Variants in SYT16 observed in about 807,000 individuals in gnomAD.
The protein encoded by SYT16 is synaptotagmin-16.
A neutral mutation model predicts 61.4 loss-of-function variants in SYT16; 42 were observed. The ratio of observed to expected loss-of-function variants is 0.68; its 90% CI spans 0.53 to 0.89. The LOEUF (loss-of-function observed/expected upper bound fraction) is 0.89. SYT16 is among the 40% of genes least tolerant of loss of function. The pLI is 0.00. For missense variants in SYT16, 804 were observed against 807.3 expected, an observed-to-expected ratio of 1.00 and a Z score of 0.05; for synonymous variants, 314 against 302.3, an observed-to-expected ratio of 1.04 and a Z score of -0.40.
intron 1 of SYT16, among the ~76,000 whole-genome samples, chr14:61,830,349 GCAAT>G (rs1371155293): frequency 2.0e-5 from 3 of 152,126 alleles, no homozygotes; most frequent in African/African-American, 7.2e-5. Flanking sequence ...TGGTTTAGAG[GCAAT>G]CAACCTGCTT....
chr14:61,832,755 T>C (rs181116132), intron 1 of SYT16, among the ~76,000 whole-genome samples: 1 of 152,290 alleles, frequency 6.6e-6, no homozygotes, highest in East Asian at 1.9e-4. Flanking sequence ...GTAGTTCTTT[T>C]TAAAGGTGGC....
chr14:61,951,136 G>T (rs1311035588), intron 1 of SYT16, among the ~76,000 whole-genome samples: 1 of 152,182 alleles, frequency 6.6e-6, no homozygotes, highest in East Asian at 1.9e-4. Flanking sequence ...GATTTTGAAT[G>T]CTCCCAACAA....
At chr14:61,896,848 T>C (rs1025975843) in intron 1 of SYT16, among the ~76,000 whole-genome samples, 4 of 152,212 alleles carry the variant, frequency 2.6e-5, no homozygotes, top group Non-Finnish European at 2.9e-5. Flanking sequence ...CCTCCTCCCA[T>C]ATCAAAAACT....
At chr14:61,946,877 T>C (rs1226727249) in intron 1 of SYT16, among the ~76,000 whole-genome samples, 2 of 152,158 alleles carry the variant, frequency 1.3e-5, no homozygotes, top group African/African-American at 4.8e-5. Flanking sequence ...TCTTTAGCTA[T>C]TTGCAGGATT....
intron 3 of SYT16, among the ~76,000 whole-genome samples, chr14:62,001,123 A>G (rs940224912): frequency 2.0e-5 from 3 of 152,030 alleles, no homozygotes; most frequent in African/African-American, 4.8e-5. Flanking sequence ...AAAAGATTAT[A>G]TTTACCTCAT....
At chr14:61,966,436 C>T (rs2051318604) in intron 1 of SYT16, among the ~76,000 whole-genome samples, 1 of 151,972 alleles carries the variant, frequency 6.6e-6, no homozygotes, top group African/African-American at 2.4e-5. Context: ...TCCAAACATT[C>T]TACTCTATGC....
intron 1 of SYT16, among the ~76,000 whole-genome samples, chr14:61,947,960 G>A (rs1368173505): frequency 1.3e-5 from 2 of 152,196 alleles, no homozygotes; most frequent in Admixed American, 1.3e-4. Context: ...ATGCACAAAA[G>A]TTTGGAAGTA....
In SYT16 at chr14:61,829,693, C is replaced by T. The variant is rs182959441; in HGVS notation, c.-325+16883C>T. On this transcript the variant is annotated intron_variant, in intron 1 of 7. Coordinates refer to ENST00000683842, the MANE Select transcript of SYT16 (RefSeq NM_001367656.1). ...TTTTTGAGACGGAGTCTCGCTCTGTCGCCCAGGCTGGAGTACAATGGTGTG... is the reference window on the plus strand; with the variant it reads ...TTTTTGAGACGGAGTCTCGCTCTGTTGCCCAGGCTGGAGTACAATGGTGTG... Among the ~76,000 whole-genome samples the T allele has an allele frequency of 9.9e-4, 150 of 150,756 alleles. 1 individual carries two copies. Among genetic ancestry groups the T allele is most frequent in the Admixed American group, 4.2e-3 (63 of 15,132 alleles).
At chr14:61,972,071 A>G (rs2051585755) in intron 2 of SYT16, among the ~76,000 whole-genome samples, 1 of 152,194 alleles carries the variant, frequency 6.6e-6, no homozygotes, top group African/African-American at 2.4e-5. Flanking sequence ...TTGTTTGCAT[A>G]TTGGGATTAT....
chr14:62,033,863 G>A (rs983209546), intron 3 of SYT16, among the ~76,000 whole-genome samples: 7 of 152,046 alleles, frequency 4.6e-5, no homozygotes, highest in Non-Finnish European at 7.4e-5. Context: ...TATATTGGAT[G>A]TTATTGAAAT....
chr14:61,883,997 C>T (rs1201476005), intron 1 of SYT16, among the ~76,000 whole-genome samples: 1 of 152,188 alleles, frequency 6.6e-6, no homozygotes, highest in Non-Finnish European at 1.5e-5. Context: ...ATTACCTCCA[C>T]CTGGTCCCAC....
intron 3 of SYT16, among the ~76,000 whole-genome samples, chr14:62,012,866 AAG>A (rs1179168453): frequency 6.6e-6 from 1 of 152,350 alleles, no homozygotes; most frequent in Admixed American, 6.5e-5. Context: ...TGAAATTATA[AAG>A]AGAGTAAAAG....
intron 3 of SYT16, among the ~76,000 whole-genome samples, chr14:62,002,428 G>A (rs570253274): frequency 7.4e-6 from 1 of 134,798 alleles, no homozygotes; most frequent in South Asian, 2.4e-4. Flanking sequence ...ATCAGAGAGT[G>A]TCTCTCCTTT....
rs970609795 is a variant in SYT16, at chr14:62,102,594, A to C, written c.*1887A>C. 12 of 152,214 alleles carry C rather than the reference A, an allele frequency of 7.9e-5. No homozygotes were observed. The highest frequency in any genetic ancestry group is 2.7e-4 in the African/African-American group (11 of 41,450). 9.4% of individuals were successfully genotyped at this position (152,214 alleles called of 1,614,324 possible). A position where few individuals can be genotyped will look rare whatever the true frequency, so the allele number is the denominator to read the frequency against. Reference sequence around the variant, plus strand: ...TAGAACTGAGTGCGATTGATTAAGTAGCAGCACAAAGAAGTGGCTTTTCAC... The same window carrying C: ...TAGAACTGAGTGCGATTGATTAAGTCGCAGCACAAAGAAGTGGCTTTTCAC... On this transcript the variant is annotated 3_prime_UTR_variant, in exon 8 of 8. Coordinates refer to ENST00000683842, the MANE Select transcript of SYT16 (RefSeq NM_001367656.1).
At chr14:62,033,382 A>G (rs1428054162) in intron 3 of SYT16, among the ~76,000 whole-genome samples, 1 of 152,130 alleles carries the variant, frequency 6.6e-6, no homozygotes, top group Non-Finnish European at 1.5e-5. Context: ...CCTGTTGCAC[A>G]AAGCACAGGA....
intron 2 of SYT16, among the ~76,000 whole-genome samples, chr14:61,985,037 T>C (rs978960119): frequency 3.3e-5 from 5 of 152,178 alleles, no homozygotes; most frequent in African/African-American, 9.6e-5. Context: ...CTGCTGTTTT[T>C]GATGGGATCC....
At chr14:61,900,054 T>A (rs995391719) in intron 1 of SYT16, among the ~76,000 whole-genome samples, 3 of 152,148 alleles carry the variant, frequency 2.0e-5, no homozygotes, top group African/African-American at 7.2e-5. Flanking sequence ...AGACTTCAAG[T>A]TGCTGTAAGA....
intron 7 of SYT16, among the ~76,000 whole-genome samples, chr14:62,088,247 A>T (rs904016418): frequency 1.3e-5 from 2 of 152,230 alleles, no homozygotes; most frequent in African/African-American, 4.8e-5. Context: ...TAAGATATAT[A>T]ATTGAATACT....
At chr14:61,820,438 G>A (rs1566607102) in intron 1 of SYT16, among the ~76,000 whole-genome samples, 1 of 150,892 alleles carries the variant, frequency 6.6e-6, no homozygotes, top group East Asian at 1.9e-4. Flanking sequence ...CTATAGCACT[G>A]GGCGGATATG....
Sources: allele counts gnomAD v4.1 joint callset (sites outside exome capture counted in the v4.1 genomes callset), GRCh38; gene constraint gnomAD v4.1.1; transcripts MANE v1.5; gene names NCBI Gene and HGNC (gene_info 2026-07-23, HGNC 2026-07-21).